Variants in CLTB observed in about 807,000 individuals in gnomAD.
CLTB encodes clathrin, light chain (Lcb).
CLTB carries 10 observed loss-of-function variants against 30.5 expected under a neutral mutation model. That is an observed-to-expected ratio of 0.33 (90% confidence interval 0.20 to 0.56). The LOEUF (loss-of-function observed/expected upper bound fraction) is 0.56. Ranked by LOEUF, CLTB falls within the 20% of genes least tolerant of loss-of-function variation. The probability of loss-of-function intolerance (pLI) is 0.91; values close to 1 mark genes in which losing one functional copy is unlikely to be tolerated. For synonymous variants in CLTB, 102 were observed against 120.3 expected, an observed-to-expected ratio of 0.85 and a Z score of 1.00; for missense variants, 261 against 308.3, an observed-to-expected ratio of 0.85 and a Z score of 1.15.
intron 4 of CLTB, among the ~76,000 whole-genome samples, chr5:176,396,894 C>T (rs1291657521): frequency 2.0e-5 from 3 of 152,116 alleles, no homozygotes; most frequent in Admixed American, 2.0e-4. Flanking sequence ...CCCCTGTTGC[C>T]TAATACATCA....
At chr5:176,399,567 G>A (rs1756710489) in intron 2 of CLTB, among the ~76,000 whole-genome samples, 1 of 151,864 alleles carries the variant, frequency 6.6e-6, no homozygotes, top group African/African-American at 2.4e-5. Flanking sequence ...CACAGCAAGA[G>A]TCTGTCACTA....
At chr5:176,401,823 T>A (rs1042749066) in intron 2 of CLTB, 1 of 454,488 alleles carries the variant, frequency 2.2e-6, no homozygotes, top group East Asian at 7.0e-5. Flanking sequence ...GATTTCTCCT[T>A]CCTTCCCATC....
chr5:176,395,691 CAT>C (rs1236843187), intron 5 of CLTB, among the ~76,000 whole-genome samples: 8 of 152,070 alleles, frequency 5.3e-5, no homozygotes, highest in Admixed American at 2.0e-4. Flanking sequence ...AAACCTGAAA[CAT>C]GTGAGGGGGC....
intron 1 of CLTB, among the ~76,000 whole-genome samples, chr5:176,412,807 A>T (rs1757511764): frequency 6.6e-6 from 1 of 152,146 alleles, no homozygotes; most frequent in Admixed American, 6.5e-5. Context: ...CCTAAATCAC[A>T]GTGGGACCAA....
rs778001488 is a variant in CLTB at position 176,416,180 on chromosome 5, C to G, written c.184G>C (p.Gly62Arg). 9 of 1,579,306 alleles carry G rather than the reference C, an allele frequency of 5.7e-6. No homozygotes were observed. The highest frequency in any genetic ancestry group is 3.4e-4 in the Middle Eastern group (2 of 5,878). The change falls in exon 1 of 6, where the codon GGG (glycine) becomes CGG (arginine). Residue 62 changes from glycine (G) to arginine (R), a missense_variant. By Grantham distance (125) the Gly-to-Arg change is moderately radical. Coordinates refer to ENST00000310418, the MANE Select transcript of CLTB (RefSeq NM_007097.5). ...TCCAGGCCCCGCGCTGACTCACCCC[C>G]ACTCGTGGGGCCCGGCTGCGCGGGG... ...AAPAQPGPTS[G>R]AGSEDMGTTV...
intron 2 of CLTB, chr5:176,406,183 C>G (rs1757113005): frequency 1.7e-5 from 17 of 993,376 alleles, no homozygotes; most frequent in Non-Finnish European, 2.0e-5. Flanking sequence ...GGAGATCAGT[C>G]ATGGCCAGGA....
chr5:176,415,881 T>A (rs970068477), intron 1 of CLTB, among the ~76,000 whole-genome samples: 1 of 152,100 alleles, frequency 6.6e-6, no homozygotes, highest in Non-Finnish European at 1.5e-5. Flanking sequence ...CAGGAGGGAC[T>A]CTCAAAACTG....
intron 1 of CLTB, among the ~76,000 whole-genome samples, chr5:176,412,956 C>G (rs1050171663): frequency 6.6e-6 from 1 of 152,168 alleles, no homozygotes; most frequent in African/African-American, 2.4e-5. Flanking sequence ...TTGCACCACC[C>G]TACTCCGCCC....
chr5:176,415,348 G>A (rs1046354410), intron 1 of CLTB, among the ~76,000 whole-genome samples: 4 of 152,154 alleles, frequency 2.6e-5, no homozygotes, highest in Non-Finnish European at 5.9e-5. Context: ...TTGGTAGGCA[G>A]TGTGGTCAGG....
intron 1 of CLTB, among the ~76,000 whole-genome samples, chr5:176,414,907 A>C (rs1339093801): frequency 6.6e-6 from 1 of 152,264 alleles, no homozygotes; most frequent in Admixed American, 6.5e-5. Flanking sequence ...GTAGGTGCTC[A>C]GTAAACGTTG....
intron 2 of CLTB, among the ~76,000 whole-genome samples, chr5:176,409,046 G>A (rs560669377): frequency 6.1e-4 from 92 of 151,812 alleles, no homozygotes; most frequent in African/African-American, 1.7e-3. Context: ...GCGTGATCTC[G>A]GCTCACCGCA....
intron 1 of CLTB, among the ~76,000 whole-genome samples, chr5:176,414,810 A>C: frequency 6.6e-6 from 1 of 152,142 alleles, no homozygotes; most frequent in East Asian, 1.9e-4. Context: ...TACATTTCTC[A>C]TATCAAGGAG....
At chr5:176,412,003 C>T (rs963646309) in intron 1 of CLTB, among the ~76,000 whole-genome samples, 5 of 151,790 alleles carry the variant, frequency 3.3e-5, no homozygotes, top group Non-Finnish European at 7.4e-5. Flanking sequence ...GGTGAAACCC[C>T]GTCTCTACTA....
intron 1 of CLTB, among the ~76,000 whole-genome samples, chr5:176,410,675 G>A (rs142758175): frequency 6.6e-6 from 1 of 152,294 alleles, no homozygotes; most frequent in Non-Finnish European, 1.5e-5. Flanking sequence ...CAGATTACCT[G>A]TGAAGCCTGT....
At chr5:176,406,277 T>A in intron 2 of CLTB, 1 of 1,043,842 alleles carries the variant, frequency 9.6e-7, no homozygotes, top group Non-Finnish European at 1.2e-6. Flanking sequence ...GGGGCAGGAA[T>A]GGCCAGGACC....
rs981256801 is a variant in CLTB at position 176,407,260 on chromosome 5, G to A, written c.234+2997C>T. On this transcript the variant is annotated intron_variant, in intron 2 of 5. Transcript: ENST00000310418. ...TCACCACTTCACCTCTCTGAGCTTC[G>A]TGATGCTAATCTTTAGGAAAGGTAA... Among the ~76,000 whole-genome samples the A allele has an allele frequency of 2.6e-5, 4 of 152,288 alleles. No individual in the cohort carries two copies. In the East Asian group the frequency reaches 5.8e-4, roughly 22 times the overall value.
intron 1 of CLTB, among the ~76,000 whole-genome samples, chr5:176,411,943 G>A (rs1235036331): frequency 7.9e-5 from 12 of 152,118 alleles, no homozygotes; most frequent in Admixed American, 5.9e-4. Context: ...TTGGGAGGCT[G>A]AGGTGGGCAG....
At chr5:176,403,461 T>C (rs1756940770) in intron 2 of CLTB, among the ~76,000 whole-genome samples, 2 of 151,092 alleles carry the variant, frequency 1.3e-5, no homozygotes, top group Admixed American at 6.6e-5. Flanking sequence ...TGTTTTGTTT[T>C]TTTTCTTTTT....
At chr5:176,398,794 C>G (rs1756673913) in intron 2 of CLTB, among the ~76,000 whole-genome samples, 1 of 152,132 alleles carries the variant, frequency 6.6e-6, no homozygotes, top group African/African-American at 2.4e-5. Flanking sequence ...TAAAATCACT[C>G]TCTATTGTGG....
Sources: gnomAD v4.1 joint callset for allele counts (sites outside exome capture counted in the v4.1 genomes callset) on GRCh38, gnomAD v4.1.1 for gene constraint, MANE v1.5 for transcripts, NCBI Gene and HGNC (gene_info 2026-07-23, HGNC 2026-07-21) for gene names.